Variants in TALDO1 observed in about 807,000 individuals in gnomAD.
TALDO1 encodes the protein transaldolase.
Under a neutral mutation model 38.1 loss-of-function variants are expected in TALDO1, and 29 were observed. The ratio of observed to expected loss-of-function variants is 0.76; its 90% CI spans 0.57 to 1.04. The LOEUF is 1.04. Ranked by LOEUF, TALDO1 falls within the 50% of genes least tolerant of loss-of-function variation. TALDO1 has a pLI of 0.00. For synonymous variants in TALDO1, 207 were observed against 176.8 expected (o/e 1.17, Z -1.36); for missense variants, 499 against 438.1 (o/e 1.14, Z -1.24).
intron 1 of TALDO1, 81 bp downstream of exon 1, chr11:747,659 C>T (rs973952060): frequency 7.8e-7 from 1 of 1,282,106 alleles, no homozygotes; most frequent in South Asian, 1.4e-5. Flanking sequence ...GTCTCCCGTT[C>T]CGGGACGCGG....
At chr11:761,755 TGCAGCCTTGACTCCAGGCTCAA>T (rs1181962682) in intron 4 of TALDO1, among the ~76,000 whole-genome samples, 3 of 152,288 alleles carry the variant, frequency 2.0e-5, no homozygotes, top group Admixed American at 1.3e-4. Context: ...CTTGGCTCAC[TGCAGCCTTGACTCCAGGCTCAA>T]GCTATCTTTC....
intron 2 of TALDO1, 97 bp downstream of exon 2, chr11:756,099 A>G (rs1862833270): frequency 2.7e-6 from 4 of 1,502,962 alleles, no homozygotes; most frequent in Middle Eastern, 2.4e-4. Context: ...CTCAAACACC[A>G]TGAACTCAAG....
At chr11:753,480 G>T (rs923335504) in intron 1 of TALDO1, among the ~76,000 whole-genome samples, 1 of 152,028 alleles carries the variant, frequency 6.6e-6, no homozygotes, top group Non-Finnish European at 1.5e-5. Flanking sequence ...GCAGTGAGCC[G>T]AGATGGCGCC....
At chr11:762,932 T>C (rs73409144) in intron 4 of TALDO1, among the ~76,000 whole-genome samples, 96 of 152,276 alleles carry the variant, frequency 6.3e-4, no homozygotes, top group African/African-American at 2.2e-3. Flanking sequence ...AGCTGAGCCC[T>C]GGTGAGTTCT....
Position 763,415 on chromosome 11 carries a change from G to C in TALDO1, c.533G>C (p.Cys178Ser). The C allele has an allele frequency of 6.2e-7, 1 of 1,613,442 alleles. No homozygotes were observed. Residue 178 changes from cysteine to serine, a missense_variant, in exon 5 of 8, where the codon TGT (cysteine) becomes TCT (serine). Transcript: ENST00000319006. ...TTCTCCTTCGCCCAGGCTGTGGCCT[G>C]TGCCGAGGCGGGTGTGACCCTCATC... The part of the protein sequence containing the change: ...LLFSFAQAVA[C>S]AEAGVTLISP...
At position 764,886 on chromosome 11, in the gene TALDO1, A is replaced by G; in HGVS notation, c.*41A>G. On this transcript the variant is annotated 3_prime_UTR_variant, in exon 8 of 8. Transcript: ENST00000319006. ...GGACTCCAGATCTGCACCGCCGGCC[A>G]GCTGGGATCTGACTGCACGTGGCTT... is the stretch of plus-strand genomic sequence containing the variant. 6.2e-7 allele frequency: 1 copy of G among 1,613,674 alleles called. No individual in the cohort carries two copies. The highest frequency in any genetic ancestry group is 8.5e-7 in the Non-Finnish European group (1 of 1,179,980).
intron 1 of TALDO1, among the ~76,000 whole-genome samples, chr11:748,966 T>A (rs1249986282): frequency 6.6e-6 from 1 of 152,194 alleles, no homozygotes; most frequent in Non-Finnish European, 1.5e-5. Flanking sequence ...TTACTGGCCC[T>A]CACCAGTTAG....
chr11:759,704 C>G (rs1271669245), intron 3 of TALDO1, among the ~76,000 whole-genome samples: 4 of 152,134 alleles, frequency 2.6e-5, no homozygotes, highest in Non-Finnish European at 5.9e-5. Context: ...CTCAGCCTCC[C>G]AAGTAGCTGG....
chr11:754,468 A>G (rs1862799453), intron 1 of TALDO1, among the ~76,000 whole-genome samples: 1 of 151,960 alleles, frequency 6.6e-6, no homozygotes, highest in South Asian at 2.1e-4. Context: ...ATATTTATTT[A>G]TTTGTTTGCT....
chr11:750,829 GA>G (rs35873674), intron 1 of TALDO1, among the ~76,000 whole-genome samples: 40,203 of 145,972 alleles, frequency 0.28, 6,112 homozygotes, highest in African/African-American at 0.43. Flanking sequence ...TGTCTCAAAA[GA>G]AAAAAAAAAA....
intron 1 of TALDO1, among the ~76,000 whole-genome samples, chr11:753,142 C>T (rs1862775264): frequency 6.6e-6 from 1 of 152,066 alleles, no homozygotes; most frequent in Admixed American, 6.6e-5. Context: ...GTCTGTAATC[C>T]CAGCAATTTG....
intron 1 of TALDO1, among the ~76,000 whole-genome samples, chr11:748,128 G>A (rs1001338796): frequency 6.6e-6 from 1 of 152,276 alleles, no homozygotes; most frequent in Admixed American, 6.5e-5. Flanking sequence ...ACTTCCACGT[G>A]GCCAGTTTGT....
At chr11:756,537 CAG>C in intron 2 of TALDO1, among the ~76,000 whole-genome samples, 1 of 114,696 alleles carries the variant, frequency 8.7e-6, no homozygotes, top group South Asian at 2.6e-4. Context: ...TTTTTTGAGA[CAG>C]AGTTTTGCTT....
intron 4 of TALDO1, among the ~76,000 whole-genome samples, chr11:761,276 C>T (rs923592668): frequency 4.1e-5 from 6 of 146,982 alleles, no homozygotes; most frequent in African/African-American, 1.5e-4. Flanking sequence ...GTGGACGTTG[C>T]AGTGAGCCGA....
At chr11:749,430 C>T (rs1373613616) in intron 1 of TALDO1, among the ~76,000 whole-genome samples, 3 of 147,842 alleles carry the variant, frequency 2.0e-5, no homozygotes, top group African/African-American at 5.0e-5. Flanking sequence ...ATCTTCTAAA[C>T]CCAAGTTGTG....
At chr11:760,393 AC>A in intron 4 of TALDO1, 140 bp downstream of exon 4, 1 of 1,306,806 alleles carries the variant, frequency 7.7e-7, no homozygotes, top group Non-Finnish European at 1.1e-6. Context: ...CTTGGACTTG[AC>A]CAGCTCATGT....
At chr11:758,821 G>A (rs1862885190) in intron 2 of TALDO1, 129 bp from the exon 3 acceptor site, 2 of 631,766 alleles carry the variant, frequency 3.2e-6, no homozygotes, top group South Asian at 2.8e-5. Context: ...TAGCCAGGAT[G>A]GTCTTGATCT....
At chr11:750,242 A>G (rs1178156551) in intron 1 of TALDO1, among the ~76,000 whole-genome samples, 1 of 151,812 alleles carries the variant, frequency 6.6e-6, no homozygotes, top group Non-Finnish European at 1.5e-5. Flanking sequence ...CCTGTTCTCT[A>G]CCTCTATAGT....
chr11:758,372 G>A (rs762029782), intron 2 of TALDO1, among the ~76,000 whole-genome samples: 3 of 152,014 alleles, frequency 2.0e-5, no homozygotes, highest in African/African-American at 4.8e-5. Flanking sequence ...ACTTGAGCCC[G>A]GGAGGTCAAG....
Sources: allele counts gnomAD v4.1 joint callset (sites outside exome capture counted in the v4.1 genomes callset), GRCh38; gene constraint gnomAD v4.1.1; transcripts MANE v1.5; gene names NCBI Gene and HGNC (gene_info 2026-07-23, HGNC 2026-07-21).